STK16: variants seen among roughly 807,000 people sequenced by gnomAD.
STK16 encodes the protein serine/threonine-protein kinase 16.
STK16 carries 28 observed loss-of-function variants against 37.8 expected under a neutral mutation model. The observed-to-expected ratio is 0.74, with a 90% CI of 0.55 to 1.02. STK16 has a LOEUF of 1.02. Among genes scored for constraint, STK16 ranks in the 50% least tolerant of loss-of-function variants. The pLI is 0.00. For missense variants in STK16, 349 were observed against 390.6 expected, an observed-to-expected ratio of 0.89 and a Z score of 0.90; for synonymous variants, 134 against 155.0, an observed-to-expected ratio of 0.86 and a Z score of 1.01.
chr2:219,246,038 C>G lies in STK16; in HGVS notation c.39C>G (p.Val13=), dbSNP rs1225794446. The change falls in exon 2 of 8, where the codon GTC becomes GTG. Residue 13 remains valine, a synonymous_variant. Transcript: ENST00000396738. This position sits in a 1 kb window ranked among gnomAD's most constrained non-coding sequence, Gnocchi z 4.5. ...TGTGTGTCTGCTCTCGGGGAACTGT[C>G]ATCATTGACAATAAGCGCTACCTCT... ...HALCVCSRGT[V]IIDNKRYLFI... 8.7e-6 allele frequency: 14 copies of G among 1,613,838 alleles called. No homozygotes were observed. Among genetic ancestry groups the G allele is most frequent in the Non-Finnish European group, 1.2e-5 (14 of 1,179,960 alleles).
chr2:219,247,610 CACATGACCATG>C, intron 5 of STK16, 41 bp from the exon 6 acceptor site: 1 of 1,614,132 alleles, frequency 6.2e-7, no homozygotes, highest in Non-Finnish European at 8.5e-7. Flanking sequence ...CCAGTTTGGT[CACATGACCATG>C]ACCTGTGCCC....
Position 219,250,220 on chromosome 2 carries a change from GAGC to G in STK16, c.*1672_*1674del. ...GGATAAGGGTCATGAACAGCAAACAGAGCAGCAGCAGCATGAAGGGGAAGGCAG... is the reference window on the plus strand; with the variant it reads ...GGATAAGGGTCATGAACAGCAAACAGAGCAGCAGCATGAAGGGGAAGGCAG... On this transcript the variant is annotated 3_prime_UTR_variant, in exon 8 of 8. Transcript: ENST00000396738. The surrounding 1 kb of genome is among the most constrained non-coding windows in gnomAD (Gnocchi z 8.4). 12 of 1,320,192 alleles carry G rather than the reference GAGC, an allele frequency of 9.1e-6. No individual in the cohort carries two copies. Among genetic ancestry groups the G allele is most frequent in the East Asian group, 2.3e-5 (1 of 43,228 alleles). 81.8% of individuals were successfully genotyped at this position (1,320,192 alleles called of 1,614,324 possible).
chr2:219,248,650 C>T lies in STK16; in HGVS notation c.*91C>T, dbSNP rs1559274014. The T allele has an allele frequency of 6.7e-7, 1 of 1,489,006 alleles. No homozygotes were observed. Among genetic ancestry groups the T allele is most frequent in the Non-Finnish European group, 9.1e-7 (1 of 1,103,170 alleles). The allele number at this position is 1,489,006 out of a possible 1,614,324, so 92.2% of individuals were successfully genotyped here. A position where few individuals can be genotyped will look rare whatever the true frequency, so the allele number is the denominator to read the frequency against. Reference sequence around the variant, plus strand: ...TCACCACCCATTCCATCCAGGACTTCTCTTACACTTGGGGGTAGCGGGGTC... The same window carrying T: ...TCACCACCCATTCCATCCAGGACTTTTCTTACACTTGGGGGTAGCGGGGTC... On this transcript the variant is annotated 3_prime_UTR_variant, in exon 8 of 8. Coordinates refer to ENST00000396738, the MANE Select transcript of STK16 (RefSeq NM_001330213.2).
Position 219,246,643 on chromosome 2 carries a change from C to A in STK16, c.87-14C>A. ...AGATGACCATGGCCCTTTATTGACC[C>A]CTTTGGCCCACAGTGGGTTCAGCTA... On this transcript the variant is annotated splice_polypyrimidine_tract_variant and intron_variant, in intron 2 of 7. Transcript: ENST00000396738. This position sits in a 1 kb window ranked among gnomAD's most constrained non-coding sequence, Gnocchi z 4.5. 1 of 1,610,962 alleles carries A rather than the reference C, an allele frequency of 6.2e-7. No individual in the cohort carries two copies. The highest frequency in any genetic ancestry group is 8.5e-7 in the Non-Finnish European group (1 of 1,177,182).
At position 219,245,972 on chromosome 2, in the gene STK16, C is replaced by A. The variant is rs765864948; in HGVS notation, c.-28C>A. On this transcript the variant is annotated 5_prime_UTR_variant, in exon 2 of 8. Transcript: ENST00000396738. ...GACGAGCTCTTCGGTAGCCTCAGAC[C>A]GTCCTTGAAGAGGATGACTGAGACA... 9.4e-6 allele frequency: 15 copies of A among 1,599,828 alleles called. No individual in the cohort carries two copies. The highest frequency in any genetic ancestry group is 8.6e-7 in the Non-Finnish European group (1 of 1,168,986).
At chr2:219,247,021 A>T (rs1198896802) in intron 3 of STK16, 92 bp from the exon 4 acceptor site, 1 of 1,576,354 alleles carries the variant, frequency 6.3e-7, no homozygotes, top group African/African-American at 1.4e-5. Flanking sequence ...GTATCATGAA[A>T]GGGCTGATAG....
At position 219,248,613 on chromosome 2, in the gene STK16, C is replaced by A. The variant is rs1951590604; in HGVS notation, c.*54C>A. The A allele has an allele frequency of 1.9e-6, 3 of 1,556,138 alleles. No individual in the cohort carries two copies. On this transcript the variant is annotated 3_prime_UTR_variant, in exon 8 of 8. Coordinates refer to ENST00000396738, the MANE Select transcript of STK16 (RefSeq NM_001330213.2). ...TTGTGCCTTGGAAAGAGGTTCCCAT[C>A]CCTCATTGGAATCACCACCCATTCC...
chr2:219,248,200 G>T lies in STK16; in HGVS notation c.665G>T (p.Gly222Val), dbSNP rs2125066807. 1 of 1,614,150 alleles carries T rather than the reference G, an allele frequency of 6.2e-7. No homozygotes were observed. The highest frequency in any genetic ancestry group is 8.5e-7 in the Non-Finnish European group (1 of 1,180,028). The change falls in exon 7 of 8, where the codon GGC (glycine) becomes GTC (valine). Residue 222 changes from glycine (G) to valine (V), a missense_variant. Coordinates refer to ENST00000396738, the MANE Select transcript of STK16 (RefSeq NM_001330213.2). ...TAATCAAGTTATGCTCAGTCCCTAG[G>T]CTGCGTGCTATATGCCATGATGTTT... is the stretch of plus-strand genomic sequence containing the variant. ...IDERTDVWSL[G>V]CVLYAMMFGE...
At position 219,250,112 on chromosome 2, in the gene STK16, G is replaced by T; in HGVS notation, c.*1553G>T. On this transcript the variant is annotated 3_prime_UTR_variant, in exon 8 of 8. Coordinates refer to ENST00000396738, the MANE Select transcript of STK16 (RefSeq NM_001330213.2). The surrounding 1 kb of genome is among the most constrained non-coding windows in gnomAD (Gnocchi z 8.4). Reference sequence around the variant, plus strand: ...TTCCTCCCTATACTGAGTAACCCTAGGACTTCAATTTAAAGTCCCTGGGGT... The same window carrying T: ...TTCCTCCCTATACTGAGTAACCCTATGACTTCAATTTAAAGTCCCTGGGGT... 1.7e-6 allele frequency: 1 copy of T among 594,894 alleles called. No homozygotes were observed. The highest frequency in any genetic ancestry group is 2.9e-6 in the Non-Finnish European group (1 of 339,486). The allele number at this position is 594,894 out of a possible 1,614,324, so 36.9% of individuals were successfully genotyped here. A position where few individuals can be genotyped will look rare whatever the true frequency, so the allele number is the denominator to read the frequency against.
Position 219,248,413 on chromosome 2 carries a change from C to T in STK16, c.780-8C>T, listed in dbSNP as rs537293364. On this transcript the variant is annotated splice_region_variant and splice_polypyrimidine_tract_variant and intron_variant, in intron 7 of 7. Coordinates refer to ENST00000396738, the MANE Select transcript of STK16 (RefSeq NM_001330213.2). The stretch of plus-strand genomic sequence containing the variant: ...TCATCCGGTCACCCTGGGCTCCTCC[C>T]TCCACAGGCATTCTTCAGCATTGCG... 3.5e-5 allele frequency: 56 copies of T among 1,613,508 alleles called. 1 individual carries two copies. Among genetic ancestry groups the T allele is most frequent in the South Asian group, 3.4e-4 (31 of 91,034 alleles).
Position 219,247,982 on chromosome 2 carries a change from G to A in STK16, c.658-211G>A, listed in dbSNP as rs1271638684. On this transcript the variant is annotated intron_variant, in intron 6 of 7. Coordinates refer to ENST00000396738, the MANE Select transcript of STK16 (RefSeq NM_001330213.2). ...ACAAGGTGAGTACAGCTCAGTGTCA[G>A]TAGTGAAGGCACTGGCTAAGCAGGG... The A allele has an allele frequency of 7.2e-6, 6 of 827,798 alleles. No homozygotes were observed. The East Asian group carries it at 1.3e-4, about 18-fold the overall frequency. 51.3% of individuals were successfully genotyped at this position (827,798 alleles called of 1,614,324 possible).
At chr2:219,247,369 C>G (rs781661903) in intron 4 of STK16, 46 bp from the exon 5 acceptor site, 3 of 1,610,134 alleles carry the variant, frequency 1.9e-6, no homozygotes, top group Non-Finnish European at 2.5e-6. Context: ...GGGATTCCAG[C>G]CTTCCTGTCC....
At position 219,248,478 on chromosome 2, in the gene STK16, G is replaced by A. The variant is rs776346869; in HGVS notation, c.837G>A (p.Gln279=). 5.0e-6 allele frequency: 8 copies of A among 1,614,162 alleles called. No homozygotes were observed. The highest frequency in any genetic ancestry group is 6.8e-6 in the Non-Finnish European group (8 of 1,180,012). ...LNSMMTVDPH[Q]RPHIPLLLSQ... ...CGATGATGACCGTGGACCCGCATCA[G>A]CGTCCTCACATTCCTCTCCTCCTCA... is the stretch of plus-strand genomic sequence containing the variant. Residue 279 remains glutamine (Q), a synonymous_variant, in exon 8 of 8, where the codon CAG becomes CAA. Transcript: ENST00000396738.
chr2:219,249,520 G>C lies in STK16; in HGVS notation c.*961G>C, dbSNP rs769646195. 1 of 152,318 alleles carries C rather than the reference G, an allele frequency of 6.6e-6. No homozygotes were observed. The highest frequency in any genetic ancestry group is 1.5e-5 in the Non-Finnish European group (1 of 68,130). 9.4% of individuals were successfully genotyped at this position (152,318 alleles called of 1,614,324 possible). A position where few individuals can be genotyped will look rare whatever the true frequency, so the allele number is the denominator to read the frequency against. On this transcript the variant is annotated 3_prime_UTR_variant, in exon 8 of 8. Coordinates refer to ENST00000396738, the MANE Select transcript of STK16 (RefSeq NM_001330213.2). ...TGAATCACCAGGGAGGAAAGGCAAG[G>C]GCAGGGTTGGCATCTCCTGCTCTTT...
intron 7 of STK16, 47 bp downstream of exon 7, chr2:219,248,361 G>C (rs368079622): frequency 1.1e-5 from 17 of 1,613,216 alleles, no homozygotes; most frequent in Non-Finnish European, 1.4e-5. Context: ...ACTCCCCCCT[G>C]GTATTAGCTG....
intron 6 of STK16, 78 bp from the exon 7 acceptor site, chr2:219,248,115 C>T: frequency 6.3e-7 from 1 of 1,580,842 alleles, no homozygotes; most frequent in Non-Finnish European, 8.6e-7. Context: ...CTTATGGAGT[C>T]TCCTTTTACC....
Position 219,247,644 on chromosome 2 carries a change from C to T in STK16, c.562-18C>T. 1 of 1,612,708 alleles carries T rather than the reference C, an allele frequency of 6.2e-7. No homozygotes were observed. On this transcript the variant is annotated intron_variant, in intron 5 of 7. Coordinates refer to ENST00000396738, the MANE Select transcript of STK16 (RefSeq NM_001330213.2). ...ATGACCTGTGCCCCACTTTTGAGCT[C>T]TGGGATCACTGTTCCAGGACTGGGC...
Position 219,246,079 on chromosome 2 carries a change from G to T in STK16, c.80G>T (p.Gly27Val), listed in dbSNP as rs1471041773. 3.1e-6 allele frequency: 5 copies of T among 1,613,848 alleles called. No homozygotes were observed. The highest frequency in any genetic ancestry group is 4.2e-6 in the Non-Finnish European group (5 of 1,179,828). Residue 27 changes from glycine to valine, a missense_variant, in exon 2 of 8, where the codon GGG (glycine) becomes GTG (valine). By Grantham distance (109) the Gly-to-Val change is moderately radical. Coordinates refer to ENST00000396738, the MANE Select transcript of STK16 (RefSeq NM_001330213.2). This position sits in a 1 kb window ranked among gnomAD's most constrained non-coding sequence, Gnocchi z 4.5. ...NKRYLFIQKLGEGGFSYVDLV... is the reference protein window; with the variant it reads ...NKRYLFIQKLVEGGFSYVDLV... ...CGCTACCTCTTCATCCAGAAACTGG[G>T]GGAGGGGTGAGTGTTTGGAAGTCAG...
chr2:219,247,990 G>C, intron 6 of STK16: 1 of 851,294 alleles, frequency 1.2e-6, no homozygotes, highest in Non-Finnish European at 1.9e-6. Context: ...CAGTAGTGAA[G>C]GCACTGGCTA....
Sources: allele counts gnomAD v4.1 joint callset, GRCh38; gene constraint gnomAD v4.1.1; non-coding constraint Gnocchi (gnomAD v3.1); transcripts MANE v1.5; gene names NCBI Gene and HGNC (gene_info 2026-07-23, HGNC 2026-07-21).